The following EHBP1 variants were observed in gnomAD, a reference collection of about 807,000 sequenced individuals.
EHBP1 encodes EH domain-binding protein 1.
In EHBP1, 55 loss-of-function variants were observed where a neutral mutation model predicts 144.0. The observed-to-expected ratio is 0.38, with a 90% CI of 0.31 to 0.48. EHBP1 has a LOEUF of 0.48. Ranked by LOEUF, EHBP1 falls within the 20% of genes least tolerant of loss-of-function variation. The pLI is 0.98. For synonymous variants in EHBP1, 469 were observed against 472.7 expected (o/e 0.99, Z 0.10); for missense variants, 1,200 against 1,364.2 (o/e 0.88, Z 1.90).
chr2:63,045,554 C>G lies in EHBP1; in HGVS notation c.*54C>G. The stretch of plus-strand genomic sequence containing the variant: ...CATTTTAGAGTCTTGCTTCCCAAAC[C>G]AGAAAAAGTCAGACTCATTGTTGAT... On this transcript the variant is annotated 3_prime_UTR_variant, in exon 23 of 23. Transcript: ENST00000431489. The surrounding 1 kb of genome is among the most constrained non-coding windows in gnomAD (Gnocchi z 5.7). The G allele has an allele frequency of 7.2e-7, 1 of 1,385,230 alleles. No homozygotes were observed. The highest frequency in any genetic ancestry group is 1.0e-6 in the Non-Finnish European group (1 of 989,444). 85.8% of individuals were successfully genotyped at this position (1,385,230 alleles called of 1,614,324 possible).
chr2:63,013,612 C>T (rs1421050262), intron 19 of EHBP1, among the ~76,000 whole-genome samples: 1 of 152,198 alleles, frequency 6.6e-6, no homozygotes, highest in Admixed American at 6.5e-5. Context: ...TCCACCACTC[C>T]AATTTTGTCA....
chr2:62,885,456 G>A (rs1360889563), intron 10 of EHBP1, among the ~76,000 whole-genome samples: 3 of 152,064 alleles, frequency 2.0e-5, no homozygotes, highest in Admixed American at 6.6e-5. Context: ...CATTAAACAT[G>A]TAACCATCCA....
At chr2:62,722,070 A>G (rs1294542188) in intron 2 of EHBP1, among the ~76,000 whole-genome samples, 2 of 152,094 alleles carry the variant, frequency 1.3e-5, no homozygotes, top group Admixed American at 6.5e-5. Flanking sequence ...TTTAAGAGTA[A>G]GTTGTACCAT....
intron 2 of EHBP1, among the ~76,000 whole-genome samples, chr2:62,730,686 C>A (rs1444720888): frequency 6.8e-6 from 1 of 146,558 alleles, no homozygotes; most frequent in Non-Finnish European, 1.5e-5. Flanking sequence ...GAGAGAAGGA[C>A]AGAGAGAGAC....
At chr2:62,680,506 G>C (rs990505705) in intron 1 of EHBP1, among the ~76,000 whole-genome samples, 18 of 152,132 alleles carry the variant, frequency 1.2e-4, no homozygotes, top group African/African-American at 4.1e-4. Context: ...CAGATTGAAG[G>C]GGGGAGGGGG....
intron 7 of EHBP1, among the ~76,000 whole-genome samples, chr2:62,838,358 T>C (rs2047479349): frequency 6.6e-6 from 1 of 152,028 alleles, no homozygotes; most frequent in South Asian, 2.1e-4. Flanking sequence ...GAGGGAAATT[T>C]ATAGCACTAA....
chr2:62,680,833 G>A (rs958998125), intron 1 of EHBP1, among the ~76,000 whole-genome samples: 12 of 152,132 alleles, frequency 7.9e-5, no homozygotes, highest in African/African-American at 1.7e-4. Context: ...CTACCAACTC[G>A]TTAGAACCTA....
intron 15 of EHBP1, among the ~76,000 whole-genome samples, chr2:62,985,165 A>G (rs2059132613): frequency 6.6e-6 from 1 of 151,948 alleles, no homozygotes; most frequent in Non-Finnish European, 1.5e-5. Context: ...ACAGTCTCCA[A>G]CCTGCATTTA....
intron 18 of EHBP1, among the ~76,000 whole-genome samples, chr2:62,995,510 AAGG>A (rs2059594373): frequency 6.6e-6 from 1 of 152,072 alleles, no homozygotes; most frequent in Non-Finnish European, 1.5e-5. Context: ...TTTCCTGTTT[AAGG>A]AGTAGTGAAA....
chr2:62,856,738 C>A lies in EHBP1; in HGVS notation c.635-2431C>A, dbSNP rs150132649. Among the ~76,000 whole-genome samples, 208 of 152,336 alleles carry A rather than the reference C, an allele frequency of 1.4e-3. 1 individual carries two copies. Among genetic ancestry groups the A allele is most frequent in the African/African-American group, 4.8e-3 (201 of 41,574 alleles). Reference sequence around the variant, plus strand: ...ATGAATTACCAAAATATGACACACACATTAAGTGAGCACATCCTGTTGGAA... The same window carrying A: ...ATGAATTACCAAAATATGACACACAAATTAAGTGAGCACATCCTGTTGGAA... On this transcript the variant is annotated intron_variant, in intron 7 of 22. Coordinates refer to ENST00000431489, the MANE Select transcript of EHBP1 (RefSeq NM_001142616.3).
Position 62,831,150 on chromosome 2 carries a change from A to G in EHBP1, c.626A>G (p.Lys209Arg). Residue 209 changes from lysine to arginine, a missense_variant, in exon 7 of 23, where the codon AAA (lysine) becomes AGA (arginine). Transcript: ENST00000431489. ...GTGAACCAAGAAGAAAAGGCAGCTA[A>G]AATTACAGGTTGGTTTTATTAGCAT... is the stretch of plus-strand genomic sequence containing the variant. ...NRVNQEEKAA[K>R]ITELINKLNF... 6.3e-7 allele frequency: 1 copy of G among 1,595,376 alleles called. No homozygotes were observed. Among genetic ancestry groups the G allele is most frequent in the Non-Finnish European group, 8.5e-7 (1 of 1,174,010 alleles).
At chr2:62,913,024 C>T (rs576919267) in intron 10 of EHBP1, among the ~76,000 whole-genome samples, 1 of 152,254 alleles carries the variant, frequency 6.6e-6, no homozygotes, top group Admixed American at 6.5e-5. Context: ...GGAAGAGTGG[C>T]TGGATGCTGT....
Position 62,864,807 on chromosome 2 carries a change from G to A in EHBP1, c.834G>A (p.Glu278=). Residue 278 remains glutamate (E), a synonymous_variant, in exon 9 of 23, where the codon GAG becomes GAA. Coordinates refer to ENST00000431489, the MANE Select transcript of EHBP1 (RefSeq NM_001142616.3). Reference sequence around the variant, plus strand: ...ATAACAGCTATAATCCCTTTAAAGAGGTGCAGACTCCACAGTATTTGAACC... The same window carrying A: ...ATAACAGCTATAATCCCTTTAAAGAAGTGCAGACTCCACAGTATTTGAACC... ...FYNNSYNPFK[E]VQTPQYLNPF... 2 of 1,613,994 alleles carry A rather than the reference G, an allele frequency of 1.2e-6. No homozygotes were observed. Among genetic ancestry groups the A allele is most frequent in the Non-Finnish European group, 1.7e-6 (2 of 1,179,980 alleles).
intron 5 of EHBP1, among the ~76,000 whole-genome samples, chr2:62,817,394 G>T (rs1025693385): frequency 1.3e-5 from 2 of 152,096 alleles, no homozygotes; most frequent in African/African-American, 4.8e-5. Flanking sequence ...CAAATGCAGA[G>T]GCTCTAAGGG....
At chr2:62,696,264 A>G (rs1198972579) in intron 1 of EHBP1, among the ~76,000 whole-genome samples, 1 of 150,090 alleles carries the variant, frequency 6.7e-6, no homozygotes, top group Non-Finnish European at 1.5e-5. Flanking sequence ...TCTTCCTCCC[A>G]GGTTCAAGCA....
At chr2:62,883,013 TAC>T (rs1330012770) in intron 10 of EHBP1, among the ~76,000 whole-genome samples, 1 of 152,048 alleles carries the variant, frequency 6.6e-6, no homozygotes, top group East Asian at 1.9e-4. Flanking sequence ...ACTATACATA[TAC>T]ACACACACAT....
intron 15 of EHBP1, among the ~76,000 whole-genome samples, chr2:62,983,907 T>C (rs1381493150): frequency 6.6e-6 from 1 of 152,212 alleles, no homozygotes; most frequent in Non-Finnish European, 1.5e-5. Flanking sequence ...ATGAAGAAAT[T>C]TTTTTAAATT....
chr2:62,684,194 C>T (rs1184446459), intron 1 of EHBP1, among the ~76,000 whole-genome samples: 1 of 152,052 alleles, frequency 6.6e-6, no homozygotes, highest in African/African-American at 2.4e-5. Context: ...GCCCTTAGAA[C>T]AGCAAATATA....
Position 62,963,668 on chromosome 2 carries a change from A to G in EHBP1, c.2460+8008A>G, listed in dbSNP as rs529001293. ...TTAGGAAGAAGTACGTTAACTTTACATTTGTAATTTTGTGTGAAAGGACAT... is the reference window on the plus strand; with the variant it reads ...TTAGGAAGAAGTACGTTAACTTTACGTTTGTAATTTTGTGTGAAAGGACAT... On this transcript the variant is annotated intron_variant, in intron 14 of 22. Coordinates refer to ENST00000431489, the MANE Select transcript of EHBP1 (RefSeq NM_001142616.3). Among the ~76,000 whole-genome samples, 15 of 152,350 alleles carry G rather than the reference A, an allele frequency of 9.8e-5. No homozygotes were observed. The East Asian group carries it at 2.7e-3, about 27-fold the overall frequency.
Sources: allele counts gnomAD v4.1 joint callset (sites outside exome capture counted in the v4.1 genomes callset), GRCh38; gene constraint gnomAD v4.1.1; non-coding constraint Gnocchi (gnomAD v3.1); transcripts MANE v1.5; gene names NCBI Gene and HGNC (gene_info 2026-07-23, HGNC 2026-07-21).